The following USP4 variants were observed in gnomAD, a reference collection of about 807,000 sequenced individuals.
USP4 encodes the protein ubiquitin carboxyl-terminal hydrolase 4.
A neutral mutation model predicts 118.2 loss-of-function variants in USP4; 72 were observed. The ratio of observed to expected loss-of-function variants is 0.61; its 90% CI spans 0.50 to 0.74. The LOEUF (loss-of-function observed/expected upper bound fraction) is 0.74. Ranked by LOEUF, USP4 falls within the 30% of genes least tolerant of loss-of-function variation. The probability of loss-of-function intolerance (pLI) is 0.00; values close to 1 mark genes in which losing one functional copy is unlikely to be tolerated. For missense variants in USP4, 1,037 were observed against 1,185.7 expected, an observed-to-expected ratio of 0.87 and a Z score of 1.84; for synonymous variants, 415 against 440.4, an observed-to-expected ratio of 0.94 and a Z score of 0.72.
chr3:49,298,615 C>G lies in USP4; in HGVS notation c.1533G>C (p.Leu511=), dbSNP rs2047233071. The change falls in exon 12 of 22, where the codon CTG becomes CTC. Residue 511 remains leucine (L), a synonymous_variant. Coordinates refer to ENST00000265560, the MANE Select transcript of USP4 (RefSeq NM_003363.4). ...CGCACAGGTCGGACACAGCCCCCAT[C>G]AGCGGCACAGTCACACGGTACTGCA... ...RPTQYRVTVP[L]MGAVSDLCEA... The G allele has an allele frequency of 1.2e-6, 2 of 1,614,054 alleles. No homozygotes were observed. The highest frequency in any genetic ancestry group is 1.1e-5 in the South Asian group (1 of 91,090).
At chr3:49,303,786 C>T (rs1210036613) in intron 9 of USP4, among the ~76,000 whole-genome samples, 1 of 151,798 alleles carries the variant, frequency 6.6e-6, no homozygotes, top group Non-Finnish European at 1.5e-5. Flanking sequence ...CAGGGTCTCA[C>T]TCTGTTGCCA....
intron 1 of USP4, among the ~76,000 whole-genome samples, chr3:49,335,879 T>A: frequency 6.6e-6 from 1 of 152,170 alleles, no homozygotes; most frequent in East Asian, 1.9e-4. Context: ...TTTTTTTTTC[T>A]TTTAGACGGA....
At chr3:49,337,960 C>T (rs1484379746) in intron 1 of USP4, among the ~76,000 whole-genome samples, 2 of 141,052 alleles carry the variant, frequency 1.4e-5, no homozygotes, top group African/African-American at 5.3e-5. Flanking sequence ...GCAGGAGAAT[C>T]GCTTGAACCC....
intron 13 of USP4, among the ~76,000 whole-genome samples, chr3:49,297,447 A>G (rs2047222169): frequency 2.0e-5 from 3 of 152,194 alleles, no homozygotes. Flanking sequence ...TGGGGATGGT[A>G]GTATCATGGT....
At chr3:49,304,517 A>G (rs753654723) in intron 9 of USP4, among the ~76,000 whole-genome samples, 1 of 152,130 alleles carries the variant, frequency 6.6e-6, no homozygotes, top group African/African-American at 2.4e-5. Context: ...GGGGGTCCCA[A>G]CTCAAACCAC....
chr3:49,292,049 C>T (rs146831076), intron 15 of USP4, among the ~76,000 whole-genome samples: 5 of 152,132 alleles, frequency 3.3e-5, no homozygotes, highest in South Asian at 4.1e-4. Flanking sequence ...CCTCGTGATC[C>T]GCCCTCCTCG....
intron 11 of USP4, among the ~76,000 whole-genome samples, chr3:49,299,385 G>A (rs2047241401): frequency 6.7e-6 from 1 of 148,648 alleles, no homozygotes; most frequent in African/African-American, 2.5e-5. Flanking sequence ...ACCGTGCCCA[G>A]CCTGCCTCAA....
Position 49,284,578 on chromosome 3 carries a change from C to A in USP4, c.2278G>T (p.Glu760Ter). 1 of 1,613,802 alleles carries A rather than the reference C, an allele frequency of 6.2e-7. No individual in the cohort carries two copies. The highest frequency in any genetic ancestry group is 1.1e-5 in the South Asian group (1 of 91,070). The change falls in exon 18 of 22, where the codon GAG (glutamate) becomes TAG (stop). Residue 760 changes from glutamate to a stop codon, truncating the protein, a stop_gained. Coordinates refer to ENST00000265560, the MANE Select transcript of USP4 (RefSeq NM_003363.4). LOFTEE classifies it high-confidence loss of function. ...YYDEQESEAY[E>*]KHVSMLQPQK... ...GGCTGCAACATGCTCACATGCTTCT[C>A]GTAGGCCTATGGGAATCAAAGCACT...
intron 2 of USP4, among the ~76,000 whole-genome samples, chr3:49,329,932 A>G (rs1263663778): frequency 1.3e-5 from 2 of 151,988 alleles, no homozygotes; most frequent in Admixed American, 6.6e-5. Flanking sequence ...TTGAGGTCAG[A>G]AGTTTGAGAC....
intron 15 of USP4, among the ~76,000 whole-genome samples, chr3:49,287,813 T>C (rs1282014663): frequency 2.0e-5 from 3 of 152,070 alleles, no homozygotes; most frequent in African/African-American, 7.2e-5. Context: ...AAGTATTCCG[T>C]TCCTCCAGAA....
At chr3:49,339,791 G>C in intron 1 of USP4, 133 bp downstream of exon 1, 1 of 651,330 alleles carries the variant, frequency 1.5e-6, no homozygotes, top group Non-Finnish European at 2.6e-6. Context: ...TCTCCTGAGG[G>C]GCAGGTGTCA....
chr3:49,329,291 A>C (rs2107801988), intron 2 of USP4, among the ~76,000 whole-genome samples: 1 of 152,222 alleles, frequency 6.6e-6, no homozygotes, highest in East Asian at 1.9e-4. Flanking sequence ...TACTTCTCCC[A>C]CTGATGTCTT....
chr3:49,292,417 C>A, intron 15 of USP4, 93 bp downstream of exon 15: 2 of 801,936 alleles, frequency 2.5e-6, no homozygotes, highest in Non-Finnish European at 3.7e-6. Flanking sequence ...CCAGTCCCAA[C>A]CCCCTTCTCC....
At chr3:49,331,073 G>A (rs1450090033) in intron 2 of USP4, among the ~76,000 whole-genome samples, 1 of 151,720 alleles carries the variant, frequency 6.6e-6, no homozygotes, top group Non-Finnish European at 1.5e-5. Context: ...TGTACTCCCA[G>A]CACTTGGGGA....
intron 1 of USP4, among the ~76,000 whole-genome samples, chr3:49,337,894 A>C (rs1209595036): frequency 1.3e-5 from 2 of 151,738 alleles, no homozygotes; most frequent in Non-Finnish European, 2.9e-5. Context: ...AAAAATACAA[A>C]CATTAGCGGG....
chr3:49,283,478 A>G (rs2107765503), intron 19 of USP4, among the ~76,000 whole-genome samples: 1 of 152,178 alleles, frequency 6.6e-6, no homozygotes, highest in East Asian at 1.9e-4. Flanking sequence ...CTGTTAACTT[A>G]CTTTCCTGTT....
chr3:49,333,244 G>T (rs1216423553), intron 2 of USP4, among the ~76,000 whole-genome samples: 2 of 149,970 alleles, frequency 1.3e-5, no homozygotes, highest in East Asian at 3.9e-4. Context: ...CCATTTCCTG[G>T]GTTCCTCCAT....
intron 2 of USP4, among the ~76,000 whole-genome samples, chr3:49,335,070 A>G (rs981832881): frequency 5.3e-5 from 8 of 152,198 alleles, no homozygotes; most frequent in African/African-American, 1.9e-4. Context: ...CATCACAGGA[A>G]TTCTTGATGA....
intron 2 of USP4, among the ~76,000 whole-genome samples, chr3:49,330,649 G>T (rs2047607124): frequency 6.6e-6 from 1 of 152,020 alleles, no homozygotes; most frequent in African/African-American, 2.4e-5. Flanking sequence ...ATTTTGATAA[G>T]ATTAGCTCAG....
Sources: gnomAD v4.1 joint callset for allele counts (sites outside exome capture counted in the v4.1 genomes callset) on GRCh38, gnomAD v4.1.1 for gene constraint, MANE v1.5 for transcripts, NCBI Gene and HGNC (gene_info 2026-07-23, HGNC 2026-07-21) for gene names.